The following ERGIC1 variants were observed in gnomAD, a reference collection of about 807,000 sequenced individuals.
ERGIC1 encodes endoplasmic reticulum-Golgi intermediate compartment protein 1.
In ERGIC1, 19 loss-of-function variants were observed where a neutral mutation model predicts 38.3. The observed-to-expected ratio is 0.50, with a 90% CI of 0.35 to 0.73. The LOEUF (loss-of-function observed/expected upper bound fraction) is 0.73. ERGIC1 is among the 30% of genes least tolerant of loss of function. The pLI, the probability that ERGIC1 is intolerant of heterozygous loss-of-function variation, is 0.01. For synonymous variants in ERGIC1, 124 were observed against 157.6 expected (o/e 0.79, Z 1.60); for missense variants, 294 against 389.2 (o/e 0.76, Z 2.06).
chr5:172,906,186 T>C (rs1472633382), intron 3 of ERGIC1: 2 of 456,228 alleles, frequency 4.4e-6, no homozygotes, highest in South Asian at 3.1e-5. Context: ...CGCAGGTCCG[T>C]GTCTCCCCTC....
At chr5:172,835,791 C>CA (rs1404280770) in intron 1 of ERGIC1, among the ~76,000 whole-genome samples, 1 of 152,220 alleles carries the variant, frequency 6.6e-6, no homozygotes, top group African/African-American at 2.4e-5. Flanking sequence ...TACCAGCTAG[C>CA]AAATGTTTGC....
rs1186535293 is a variant in ERGIC1, at chr5:172,853,335, C to G, written c.20+18902C>G. Among the ~76,000 whole-genome samples, 4 of 152,212 alleles carry G rather than the reference C, an allele frequency of 2.6e-5. No homozygotes were observed. The South Asian group carries it at 6.2e-4, about 24-fold the overall frequency. ...TGCTGGGTGCTGGCTTTTGGAAATC[C>G]CTGCATACCCGCAACGGCTCCCGTG... On this transcript the variant is annotated intron_variant, in intron 1 of 9. Transcript: ENST00000393784.
chr5:172,913,138 A>G (rs1763251004), intron 4 of ERGIC1, among the ~76,000 whole-genome samples: 1 of 152,230 alleles, frequency 6.6e-6, no homozygotes, highest in Non-Finnish European at 1.5e-5. Flanking sequence ...GAGATTAGGT[A>G]ACCTGCTCGA....
At chr5:172,902,360 G>T (rs1052450180) in intron 3 of ERGIC1, among the ~76,000 whole-genome samples, 7 of 152,134 alleles carry the variant, frequency 4.6e-5, no homozygotes, top group Non-Finnish European at 4.4e-5. Context: ...CCTGCCTTGA[G>T]CCTGGGTTGT....
chr5:172,927,958 T>A (rs957753482), intron 7 of ERGIC1, among the ~76,000 whole-genome samples: 1 of 152,212 alleles, frequency 6.6e-6, no homozygotes, highest in Non-Finnish European at 1.5e-5. Context: ...GCTTTCCAGC[T>A]GTGTCTGGTT....
chr5:172,906,852 G>C (rs1042109287), intron 3 of ERGIC1, among the ~76,000 whole-genome samples: 2 of 152,144 alleles, frequency 1.3e-5, no homozygotes, highest in African/African-American at 4.8e-5. Flanking sequence ...GGCATTATCG[G>C]GGAATCAGAT....
At chr5:172,890,867 T>G (rs1178325765) in intron 2 of ERGIC1, among the ~76,000 whole-genome samples, 1 of 152,196 alleles carries the variant, frequency 6.6e-6, no homozygotes, top group Non-Finnish European at 1.5e-5. Flanking sequence ...CCATTCTCAG[T>G]TGGGGGAGGA....
chr5:172,904,725 CGT>C (rs1196551275), intron 3 of ERGIC1, among the ~76,000 whole-genome samples: 1 of 152,250 alleles, frequency 6.6e-6, no homozygotes, highest in East Asian at 1.9e-4. Flanking sequence ...TGGGTGAGCT[CGT>C]GGCGCTGGCT....
In ERGIC1 at chr5:172,935,280, ACGG is replaced by A; in HGVS notation, c.737_739del (p.Arg246del). On this transcript the variant is annotated inframe_deletion, in exon 9 of 10. Coordinates refer to ENST00000393784, the MANE Select transcript of ERGIC1 (RefSeq NM_001031711.3). Reference sequence around the variant, plus strand: ...CCATCACGGTCAAGTACACAGAGAGACGGCAGCCGCTGTACAGATTCATCACCA... The same window carrying A: ...CCATCACGGTCAAGTACACAGAGAGACAGCCGCTGTACAGATTCATCACCA... 1 of 1,614,092 alleles carries A rather than the reference ACGG, an allele frequency of 6.2e-7. No individual in the cohort carries two copies. The highest frequency in any genetic ancestry group is 8.5e-7 in the Non-Finnish European group (1 of 1,180,040).
At position 172,941,104 on chromosome 5, in the gene ERGIC1, C is replaced by T. The variant is rs546952999; in HGVS notation, c.765+5794C>T. ...GACCAGCCTGGCCAACATGGCGAAA[C>T]TTTGTCTCTACTAAAAATACAAAAA... On this transcript the variant is annotated intron_variant, in intron 9 of 9. Transcript: ENST00000393784. Among the ~76,000 whole-genome samples the T allele has an allele frequency of 7.9e-5, 12 of 152,340 alleles. 1 individual carries two copies. The East Asian group carries it at 2.1e-3, about 27-fold the overall frequency.
Position 172,834,976 on chromosome 5 carries a change from G to C in ERGIC1, c.20+543G>C, listed in dbSNP as rs941922894. On this transcript the variant is annotated intron_variant, in intron 1 of 9. Coordinates refer to ENST00000393784, the MANE Select transcript of ERGIC1 (RefSeq NM_001031711.3). This position sits in a 1 kb window ranked among gnomAD's most constrained non-coding sequence, Gnocchi z 4.1. Reference sequence around the variant, plus strand: ...CCCGCCCCTCCCTCCCTCAGCCCCAGCCCTGTCCGCTGGGTATGGGGGCAC... The same window carrying C: ...CCCGCCCCTCCCTCCCTCAGCCCCACCCCTGTCCGCTGGGTATGGGGGCAC... Among the ~76,000 whole-genome samples, 2 of 152,228 alleles carry C rather than the reference G, an allele frequency of 1.3e-5. No individual in the cohort carries two copies. The highest frequency in any genetic ancestry group is 1.3e-4 in the Admixed American group (2 of 15,288).
rs111280875 is a variant in ERGIC1, at chr5:172,850,376, G to A, written c.20+15943G>A. ...GGCACGTCATCCTGCTTGGGCCTCC[G>A]CCTGCCCCACACTCACCAGAGCATG... On this transcript the variant is annotated intron_variant, in intron 1 of 9. Transcript: ENST00000393784. Among the ~76,000 whole-genome samples, 741 of 121,890 alleles carry A rather than the reference G, an allele frequency of 6.1e-3. 4 individuals are homozygous for A. The highest frequency in any genetic ancestry group is 0.022 in the African/African-American group (702 of 32,480). The allele number at this position is 121,890 out of a possible 152,430, so 80.0% of individuals were successfully genotyped here.
At position 172,881,066 on chromosome 5, in the gene ERGIC1, T is replaced by C. The variant is rs1370655436; in HGVS notation, c.21-7633T>C. Among the ~76,000 whole-genome samples the C allele has an allele frequency of 2.6e-5, 4 of 152,202 alleles. No homozygotes were observed. In the South Asian group the frequency reaches 8.3e-4, roughly 32 times the overall value. On this transcript the variant is annotated intron_variant, in intron 1 of 9. Coordinates refer to ENST00000393784, the MANE Select transcript of ERGIC1 (RefSeq NM_001031711.3). The stretch of plus-strand genomic sequence containing the variant: ...GAGTTCGAGACCAGCCTGACCAACA[T>C]GGAGAAACCTCATCTCTATAAAAAT...
chr5:172,867,486 T>C (rs1297716854), intron 1 of ERGIC1: 1 of 430,792 alleles, frequency 2.3e-6, no homozygotes, highest in Non-Finnish European at 4.7e-6. Flanking sequence ...CCTTGGCCAC[T>C]GCCTCAGTGT....
chr5:172,915,352 G>C (rs1763334565), intron 5 of ERGIC1: 2 of 463,722 alleles, frequency 4.3e-6, no homozygotes, highest in African/African-American at 2.0e-5. Context: ...CTGGGCTGGT[G>C]GGGCTCCCAT....
At chr5:172,852,923 C>T (rs192723503) in intron 1 of ERGIC1, among the ~76,000 whole-genome samples, 105 of 152,348 alleles carry the variant, frequency 6.9e-4, no homozygotes, top group Middle Eastern at 3.4e-3. Context: ...CCATGGGTGA[C>T]GGTGTCACAG....
At chr5:172,909,876 CT>C (rs2089830983) in intron 4 of ERGIC1, 115 bp downstream of exon 4, 1 of 926,304 alleles carries the variant, frequency 1.1e-6, no homozygotes. Context: ...GTTCTCCCCA[CT>C]CTTTTTTGGA....
intron 9 of ERGIC1, among the ~76,000 whole-genome samples, chr5:172,939,174 C>G (rs574633577): frequency 2.1e-4 from 32 of 152,350 alleles, no homozygotes; most frequent in African/African-American, 7.0e-4. Flanking sequence ...CCGTAGCAGG[C>G]ACCAGGGTCA....
chr5:172,940,754 A>T (rs1340172713), intron 9 of ERGIC1, among the ~76,000 whole-genome samples: 1 of 152,194 alleles, frequency 6.6e-6, no homozygotes, highest in African/African-American at 2.4e-5. Context: ...TAACCTGGGT[A>T]TGAGGGAGAG....
Sources: gnomAD v4.1 joint callset for allele counts (sites outside exome capture counted in the v4.1 genomes callset) on GRCh38, gnomAD v4.1.1 for gene constraint, Gnocchi (gnomAD v3.1) non-coding constraint, MANE v1.5 for transcripts, NCBI Gene and HGNC (gene_info 2026-07-23, HGNC 2026-07-21) for gene names.